The following CYFIP1 variants were observed in gnomAD, a reference collection of about 807,000 sequenced individuals.
CYFIP1 encodes cytoplasmic FMR1-interacting protein 1.
In CYFIP1, 58 loss-of-function variants were observed where a neutral mutation model predicts 163.5. That is an observed-to-expected ratio of 0.35 (90% CI 0.29 to 0.44). CYFIP1 has a LOEUF of 0.44. CYFIP1 is among the 20% of genes least tolerant of loss of function. CYFIP1 has a pLI of 1.00. For synonymous variants in CYFIP1, 663 were observed against 660.7 expected (o/e 1.00, Z -0.05); for missense variants, 1,338 against 1,653.8 (o/e 0.81, Z 3.31).
chr15:22,962,172 T>C (rs2062703521), intron 1 of CYFIP1, among the ~76,000 whole-genome samples: 1 of 152,164 alleles, frequency 6.6e-6, no homozygotes, highest in Non-Finnish European at 1.5e-5. Context: ...TGATTGGTAG[T>C]AGGATTTTTA....
intron 5 of CYFIP1, among the ~76,000 whole-genome samples, chr15:22,944,099 C>T (rs1469371536): frequency 6.6e-6 from 1 of 151,898 alleles, no homozygotes; most frequent in Non-Finnish European, 1.5e-5. Flanking sequence ...ATTAGCTGGG[C>T]GTGGTGGCGG....
At position 22,896,333 on chromosome 15, in the gene CYFIP1, T is replaced by C. The variant is rs944836408; in HGVS notation, c.2589-3356A>G. 7.2e-5 allele frequency among the ~76,000 whole-genome samples: 11 copies of C among 152,092 alleles called. No individual in the cohort carries two copies. The East Asian group carries it at 1.7e-3, about 24-fold the overall frequency. On this transcript the variant is annotated intron_variant, in intron 22 of 30. Transcript: ENST00000617928. Reference sequence around the variant, plus strand: ...CTCTTTTCCTTTGTGTCGATCCTGCTTGAGGTTTATTGAGCTTCTTGTATC... The same window carrying C: ...CTCTTTTCCTTTGTGTCGATCCTGCCTGAGGTTTATTGAGCTTCTTGTATC...
At chr15:22,914,657 C>T in intron 17 of CYFIP1, 69 bp downstream of exon 17, 1 of 1,492,460 alleles carries the variant, frequency 6.7e-7, no homozygotes. Context: ...CCCGGCCTCT[C>T]CGCCACCTCC....
In CYFIP1 at chr15:22,906,488, C is replaced by T. The variant is rs1378879273; in HGVS notation, c.2389-2583G>A. Among the ~76,000 whole-genome samples, 110 of 121,026 alleles carry T rather than the reference C, an allele frequency of 9.1e-4. 1 individual carries two copies. The East Asian group carries it at 0.026, about 28-fold the overall frequency. 79.4% of individuals were successfully genotyped at this position (121,026 alleles called of 152,430 possible). ...TTTTTTTTTTTTTTTTTTTTTGAGA[C>T]GGAGTCTCGCTCTGTTGCCCAGGCT... On this transcript the variant is annotated intron_variant, in intron 21 of 30. Coordinates refer to ENST00000617928, the MANE Select transcript of CYFIP1 (RefSeq NM_014608.6).
At chr15:22,947,805 C>T (rs1057262227) in intron 1 of CYFIP1, 10 of 332,338 alleles carry the variant, frequency 3.0e-5, no homozygotes, top group East Asian at 1.7e-4. Context: ...GCTGCACAGA[C>T]AGGCTGAGAT....
chr15:22,901,894 C>T (rs1281452538), intron 22 of CYFIP1, among the ~76,000 whole-genome samples: 1 of 152,194 alleles, frequency 6.6e-6, no homozygotes, highest in African/African-American at 2.4e-5. Flanking sequence ...GAAATGCAGA[C>T]ACAATGGCTT....
In CYFIP1 at chr15:22,926,236, A is replaced by G. The variant is rs1004330519; in HGVS notation, c.1234-129T>C. The stretch of plus-strand genomic sequence containing the variant: ...CTTTGCTGCATTCTGAAAGTCACAC[A>G]TGAGGGCGCACACACCGTCCATCTC... On this transcript the variant is annotated intron_variant, in intron 12 of 30. Coordinates refer to ENST00000617928, the MANE Select transcript of CYFIP1 (RefSeq NM_014608.6). The G allele has an allele frequency of 5.2e-6, 7 of 1,345,854 alleles. No homozygotes were observed. In the South Asian group the frequency reaches 5.2e-5, roughly 10 times the overall value. The allele number at this position is 1,345,854 out of a possible 1,614,324, so 83.4% of individuals were successfully genotyped here. A position where few individuals can be genotyped will look rare whatever the true frequency, so the allele number is the denominator to read the frequency against.
intron 26 of CYFIP1, 194 bp from the exon 27 acceptor site, chr15:22,875,465 GCATGCCTAGTAAGTA>G (rs1054583489): frequency 1.6e-6 from 1 of 610,614 alleles, no homozygotes; most frequent in Non-Finnish European, 2.9e-6. Context: ...CGCCAGCCAT[GCATGCCTAGTAAGTA>G]CTTGGAATGT....
At chr15:22,883,421 C>T (rs1033235575) in intron 23 of CYFIP1, among the ~76,000 whole-genome samples, 2 of 152,140 alleles carry the variant, frequency 1.3e-5, no homozygotes, top group African/African-American at 4.8e-5. Context: ...GGGAGAGAGA[C>T]CCCTGTGGAG....
At chr15:22,913,389 G>A (rs1364904967) in intron 17 of CYFIP1, among the ~76,000 whole-genome samples, 13 of 149,490 alleles carry the variant, frequency 8.7e-5, no homozygotes, top group African/African-American at 2.2e-4. Flanking sequence ...TTAGCCGGGC[G>A]TGGTGGTGGG....
intron 16 of CYFIP1, 32 bp downstream of exon 16, chr15:22,916,445 C>T (rs754746245): frequency 6.6e-7 from 1 of 1,521,242 alleles, no homozygotes; most frequent in East Asian, 2.3e-5. Context: ...TAGGACATGC[C>T]AGGCCGGATG....
In CYFIP1 at chr15:22,867,796, ACTTTG is replaced by A. The variant is rs1377356955; in HGVS notation, c.*2227_*2231del. 6 of 152,206 alleles carry A rather than the reference ACTTTG, an allele frequency of 3.9e-5. No individual in the cohort carries two copies. The highest frequency in any genetic ancestry group is 7.2e-5 in the African/African-American group (3 of 41,446). The allele number at this position is 152,206 out of a possible 1,614,324, so 9.4% of individuals were successfully genotyped here. A position where few individuals can be genotyped will look rare whatever the true frequency, so the allele number is the denominator to read the frequency against. ...AGAATATGGTCTCTTTGTACCAAGT[ACTTTG>A]CTTAAGAGCTCCTTTGGGCCACTAC... On this transcript the variant is annotated 3_prime_UTR_variant, in exon 31 of 31. Coordinates refer to ENST00000617928, the MANE Select transcript of CYFIP1 (RefSeq NM_014608.6).
chr15:22,961,242 G>A (rs1001940076), intron 1 of CYFIP1, among the ~76,000 whole-genome samples: 10 of 151,988 alleles, frequency 6.6e-5, no homozygotes, highest in African/African-American at 1.2e-4. Flanking sequence ...GGCTGGTCTC[G>A]AACTCCTGAC....
upstream of CYFIP1, among the ~76,000 whole-genome samples, chr15:22,980,558 C>T (rs73426820): frequency 0.01 from 1,567 of 152,058 alleles, 27 homozygotes; most frequent in African/African-American, 0.036. Flanking sequence ...GGCAGAGAGC[C>T]CCTGGCTACC....
At chr15:22,976,014 C>G (rs893592320) in intron 1 of CYFIP1, among the ~76,000 whole-genome samples, 5 of 152,122 alleles carry the variant, frequency 3.3e-5, no homozygotes, top group Non-Finnish European at 5.9e-5. Flanking sequence ...GTTCCAACCA[C>G]TGACCATGGT....
intron 22 of CYFIP1, among the ~76,000 whole-genome samples, chr15:22,902,734 G>A (rs1375588631): frequency 6.6e-6 from 1 of 152,172 alleles, no homozygotes; most frequent in Non-Finnish European, 1.5e-5. Flanking sequence ...CAGAGCGCGT[G>A]GCCATGACCC....
At chr15:22,879,854 C>T (rs3751569) in intron 26 of CYFIP1, 59 bp downstream of exon 26, 14 of 1,119,914 alleles carry the variant, frequency 1.3e-5, no homozygotes, top group East Asian at 6.5e-5. Context: ...CTCCCCTGGC[C>T]GGTGGGGTGG....
rs115889510 is a variant in CYFIP1 at position 22,893,316 on chromosome 15, G to C, written c.2589-339C>G. On this transcript the variant is annotated intron_variant, in intron 22 of 30. Transcript: ENST00000617928. ...GGACGGTGGGGCAGCTGCCTGTGACGAGAACGGCGACGCCCCGGTGGTTCA... is the reference window on the plus strand; with the variant it reads ...GGACGGTGGGGCAGCTGCCTGTGACCAGAACGGCGACGCCCCGGTGGTTCA... 2.0e-3 allele frequency among the ~76,000 whole-genome samples: 310 copies of C among 152,176 alleles called. 2 individuals carry two copies. The highest frequency in any genetic ancestry group is 7.0e-3 in the African/African-American group (289 of 41,510).
At chr15:22,953,472 C>T (rs1200895081) in intron 1 of CYFIP1, among the ~76,000 whole-genome samples, 2 of 152,154 alleles carry the variant, frequency 1.3e-5, no homozygotes, top group Non-Finnish European at 2.9e-5. Context: ...TTTGTCCTCC[C>T]ATGAATGCCA....
Sources: allele counts gnomAD v4.1 joint callset (sites outside exome capture counted in the v4.1 genomes callset), GRCh38; gene constraint gnomAD v4.1.1; transcripts MANE v1.5; gene names NCBI Gene and HGNC (gene_info 2026-07-23, HGNC 2026-07-21).